Variants in DNAH14 observed in about 807,000 individuals in gnomAD.
The protein encoded by DNAH14 is dynein axonemal heavy chain 14.
A neutral mutation model predicts 520.9 loss-of-function variants in DNAH14; 478 were observed. That is an observed-to-expected ratio of 0.92 (90% CI 0.85 to 0.99). DNAH14 has a LOEUF of 0.99. Among genes scored for constraint, DNAH14 ranks in the 50% least tolerant of loss-of-function variants. The pLI, the probability that DNAH14 is intolerant of heterozygous loss-of-function variation, is 0.00. For synonymous variants in DNAH14, 1,581 were observed against 1,757.2 expected (o/e 0.90, Z 2.51); for missense variants, 4,831 against 5,234.5 (o/e 0.92, Z 2.38).
intron 84 of DNAH14, chr1:225,396,467 T>G (rs910038379): frequency 6.6e-6 from 1 of 152,176 alleles, no homozygotes; most frequent in Non-Finnish European, 1.5e-5. Context: ...AAGAGGCAGA[T>G]CATAAGCTTT....
At chr1:225,118,817 A>T (rs1192004454) in intron 25 of DNAH14, among the ~76,000 whole-genome samples, 1 of 145,610 alleles carries the variant, frequency 6.9e-6, no homozygotes, top group Non-Finnish European at 1.5e-5. Flanking sequence ...CAGGAGGTGG[A>T]GGTTGCAGTG....
chr1:225,276,328 T>C (rs182822207), intron 53 of DNAH14, among the ~76,000 whole-genome samples: 9 of 152,270 alleles, frequency 5.9e-5, no homozygotes, highest in African/African-American at 2.2e-4. Flanking sequence ...TTGTCTCATT[T>C]GATAGGGTAT....
chr1:225,114,938 A>G (rs1390177003), intron 23 of DNAH14, among the ~76,000 whole-genome samples: 1 of 152,222 alleles, frequency 6.6e-6, no homozygotes, highest in Non-Finnish European at 1.5e-5. Context: ...ACCAGGTACT[A>G]TGAATGCTTA....
intron 49 of DNAH14, among the ~76,000 whole-genome samples, chr1:225,270,040 C>G (rs1433644762): frequency 6.6e-6 from 1 of 152,054 alleles, no homozygotes; most frequent in Non-Finnish European, 1.5e-5. Context: ...TATTGCAGCA[C>G]TATTCACAAT....
intron 3 of DNAH14, 95 bp from the exon 4 acceptor site, chr1:224,960,058 T>C (rs1338400871): frequency 1.6e-6 from 2 of 1,260,234 alleles, no homozygotes; most frequent in Non-Finnish European, 2.1e-6. Flanking sequence ...TACTGCCTTA[T>C]ATAATCATTA....
intron 15 of DNAH14, among the ~76,000 whole-genome samples, chr1:225,046,077 G>A (rs757345298): frequency 1.3e-4 from 20 of 151,120 alleles, no homozygotes; most frequent in Non-Finnish European, 2.5e-4. Flanking sequence ...ATATGAATAT[G>A]GATTCACTAA....
Position 225,140,894 on chromosome 1 carries a change from G to A in DNAH14, c.4381G>A (p.Asp1461Asn). ...AGAGGTTGCAGACCTGGTAGTGCTG[G>A]ATACTAGTAACTCTCGAACAAAAGC... Reference protein sequence around the residue: ...LEEVADLVVLDTSNSRTKAIL... With the variant: ...LEEVADLVVLNTSNSRTKAIL... The change falls in exon 28 of 86, where the codon GAT (aspartate) becomes AAT (asparagine). Residue 1461 changes from aspartate to asparagine, a missense_variant. Transcript: ENST00000682510. 1 of 1,551,324 alleles carries A rather than the reference G, an allele frequency of 6.4e-7. No homozygotes were observed.
At chr1:224,953,792 G>C (rs555004695) in intron 2 of DNAH14, among the ~76,000 whole-genome samples, 71 of 152,150 alleles carry the variant, frequency 4.7e-4, no homozygotes, top group African/African-American at 1.6e-3. Context: ...AAAAGTCAAG[G>C]ATTTAAAGAC....
At chr1:225,090,709 A>G (rs866903750) in intron 21 of DNAH14, among the ~76,000 whole-genome samples, 1 of 152,168 alleles carries the variant, frequency 6.6e-6, no homozygotes, top group Non-Finnish European at 1.5e-5. Context: ...ATCTTACAAC[A>G]TACACAAACA....
chr1:225,057,525 T>A (rs2069298089), intron 17 of DNAH14, among the ~76,000 whole-genome samples: 1 of 152,118 alleles, frequency 6.6e-6, no homozygotes. Context: ...TTTATTTCCT[T>A]CTCTTGCCTG....
intron 10 of DNAH14, among the ~76,000 whole-genome samples, chr1:225,015,198 T>C (rs1218541392): frequency 6.6e-6 from 1 of 152,162 alleles, no homozygotes; most frequent in Non-Finnish European, 1.5e-5. Context: ...ACAGGTGTGG[T>C]AGGTTTCTTG....
intron 23 of DNAH14, among the ~76,000 whole-genome samples, chr1:225,113,578 C>T (rs1370801824): frequency 6.6e-6 from 1 of 152,188 alleles, no homozygotes; most frequent in Non-Finnish European, 1.5e-5. Flanking sequence ...GTAGTGAGTT[C>T]CCCCTGGGCC....
Position 224,960,144 on chromosome 1 carries a change from T to C in DNAH14, c.218-9T>C. 6.4e-7 allele frequency: 1 copy of C among 1,563,902 alleles called. No homozygotes were observed. Among genetic ancestry groups the C allele is most frequent in the South Asian group, 1.2e-5 (1 of 81,380 alleles). ...CTAGTTATTCAGTTAATAATGGTTT[T>C]ATTTTCAGATTACCTTAGAGAAAGT... On this transcript the variant is annotated splice_polypyrimidine_tract_variant and intron_variant, in intron 3 of 85. Transcript: ENST00000682510.
At chr1:225,329,099 T>C (rs1461094661) in intron 64 of DNAH14, among the ~76,000 whole-genome samples, 1 of 152,184 alleles carries the variant, frequency 6.6e-6, no homozygotes, top group Admixed American at 6.5e-5. Context: ...ACTTAAAGGT[T>C]AATAAGACTG....
At chr1:225,175,607 A>G (rs527606477) in intron 36 of DNAH14, among the ~76,000 whole-genome samples, 4 of 136,924 alleles carry the variant, frequency 2.9e-5, no homozygotes, top group African/African-American at 8.2e-5. Flanking sequence ...GATCTTTTGT[A>G]TTTTTTACTC....
chr1:225,391,024 G>A (rs1002020879), intron 83 of DNAH14, among the ~76,000 whole-genome samples: 25 of 152,172 alleles, frequency 1.6e-4, no homozygotes, highest in African/African-American at 6.0e-4. Context: ...ACTGGACTAA[G>A]CGGGGACAGC....
rs563270943 is a variant in DNAH14, at chr1:225,379,856, G to T, written c.12717-303G>T. On this transcript the variant is annotated intron_variant, in intron 79 of 85. Transcript: ENST00000682510. ...TATTTTTTTAATTGACATAATAATT[G>T]TACATATTTCTGAGGTACATAGTAA... Among the ~76,000 whole-genome samples, 5 of 152,148 alleles carry T rather than the reference G, an allele frequency of 3.3e-5. No individual in the cohort carries two copies. In the East Asian group the frequency reaches 9.7e-4, roughly 29 times the overall value.
intron 85 of DNAH14, among the ~76,000 whole-genome samples, 173 bp downstream of exon 85, chr1:225,398,839 A>G (rs1244087214): frequency 6.6e-6 from 1 of 152,228 alleles, no homozygotes; most frequent in African/African-American, 2.4e-5. Context: ...AGTAGATGCT[A>G]TACTTACATC....
At chr1:225,372,139 A>C (rs1433243355) in intron 77 of DNAH14, among the ~76,000 whole-genome samples, 2 of 152,168 alleles carry the variant, frequency 1.3e-5, no homozygotes, top group African/African-American at 4.8e-5. Context: ...TCTTTATGGG[A>C]AGGCTTCCCA....
Sources: gnomAD v4.1 joint callset for allele counts (sites outside exome capture counted in the v4.1 genomes callset) on GRCh38, gnomAD v4.1.1 for gene constraint, MANE v1.5 for transcripts, NCBI Gene and HGNC (gene_info 2026-07-23, HGNC 2026-07-21) for gene names.